The following TMC3 variants were observed in gnomAD, a reference collection of about 807,000 sequenced individuals.
TMC3 encodes the protein transmembrane channel like 3.
TMC3 carries 98 observed loss-of-function variants against 110.6 expected under a neutral mutation model. The observed-to-expected ratio is 0.89, with a 90% CI of 0.75 to 1.05. The LOEUF (loss-of-function observed/expected upper bound fraction) is 1.05. Among genes scored for constraint, TMC3 ranks in the 50% least tolerant of loss-of-function variants. The pLI is 0.00. For missense variants in TMC3, 1,319 were observed against 1,373.2 expected (o/e 0.96, Z 0.62); for synonymous variants, 489 against 513.1 (o/e 0.95, Z 0.63).
At position 81,339,428 on chromosome 15, in the gene TMC3, G is replaced by A. The variant is rs116898002; in HGVS notation, c.1921C>T (p.Arg641Ter). Reference sequence around the variant, plus strand: ...CCACAGTTTAGAGATGGCTTGTATCGGACAATAGCAAAAATGGTTGGCAGC... The same window carrying A: ...CCACAGTTTAGAGATGGCTTGTATCAGACAATAGCAAAAATGGTTGGCAGC... ...CMLPTIFAIV[R>*]YKPSLNCGPF... Residue 641 changes from arginine to a stop codon, truncating the protein, a stop_gained, in exon 17 of 22, where the codon CGA becomes TGA. Coordinates refer to ENST00000359440, the MANE Select transcript of TMC3 (RefSeq NM_001080532.3). LOFTEE classifies it high-confidence loss of function. 42 of 1,611,210 alleles carry A rather than the reference G, an allele frequency of 2.6e-5. No individual in the cohort carries two copies. The highest frequency in any genetic ancestry group is 8.4e-5 in the Admixed American group (5 of 59,692).
chr15:81,370,277 C>T (rs1251301881), intron 2 of TMC3, among the ~76,000 whole-genome samples: 5 of 152,214 alleles, frequency 3.3e-5, no homozygotes, highest in Non-Finnish European at 4.4e-5. Flanking sequence ...GTCAGGGTTC[C>T]GTGCTTTTTG....
rs569679389 is a variant in TMC3 at position 81,350,861 on chromosome 15, T to A, written c.1083+833A>T. ...TTGTTCATAACCGTTCACTTGGTGATTTTCTATTTATGGGAATATTCACAC... is the reference window on the plus strand; with the variant it reads ...TTGTTCATAACCGTTCACTTGGTGAATTTCTATTTATGGGAATATTCACAC... On this transcript the variant is annotated intron_variant, in intron 10 of 21. Coordinates refer to ENST00000359440, the MANE Select transcript of TMC3 (RefSeq NM_001080532.3). Among the ~76,000 whole-genome samples, 16 of 152,330 alleles carry A rather than the reference T, an allele frequency of 1.1e-4. No individual in the cohort carries two copies. The East Asian group carries it at 3.1e-3, about 29-fold the overall frequency.
rs546893002 is a variant in TMC3, at chr15:81,361,994, A to C, written c.394+226T>G. 256 of 402,916 alleles carry C rather than the reference A, an allele frequency of 6.4e-4. 1 individual carries two copies. Among genetic ancestry groups the C allele is most frequent in the African/African-American group, 4.8e-3 (238 of 49,274 alleles). 25.0% of individuals were successfully genotyped at this position (402,916 alleles called of 1,614,324 possible). A position where few individuals can be genotyped will look rare whatever the true frequency, so the allele number is the denominator to read the frequency against. The stretch of plus-strand genomic sequence containing the variant: ...AACTGGGAGAGAACAGCAGAGCCGC[A>C]GCGGAATGTGGAAAGGCCCACGTCC... On this transcript the variant is annotated intron_variant, in intron 4 of 21. Coordinates refer to ENST00000359440, the MANE Select transcript of TMC3 (RefSeq NM_001080532.3).
chr15:81,332,856 G>T lies in TMC3; in HGVS notation c.2866C>A (p.Arg956=), dbSNP rs369892976. ...EETPSRDWIK[R]SLPPRSLIDL... ...ATCAGGGAGCGTGGGGGAAGAGACC[G>T]TTTGATCCAATCTCTGCTTGGCGTC... Residue 956 remains arginine (R), a synonymous_variant, in exon 22 of 22, where the codon CGG becomes AGG. Transcript: ENST00000359440. 1 of 1,613,378 alleles carries T rather than the reference G, an allele frequency of 6.2e-7. No individual in the cohort carries two copies. Among genetic ancestry groups the T allele is most frequent in the Non-Finnish European group, 8.5e-7 (1 of 1,179,878 alleles).
chr15:81,350,616 C>T (rs2141707288), intron 10 of TMC3, among the ~76,000 whole-genome samples: 1 of 152,258 alleles, frequency 6.6e-6, no homozygotes, highest in African/African-American at 2.4e-5. Flanking sequence ...AGGGTGGGCT[C>T]AGATTTTGAT....
chr15:81,358,565 G>C, intron 5 of TMC3, 65 bp from the exon 6 acceptor site: 1 of 1,332,456 alleles, frequency 7.5e-7, no homozygotes, highest in Non-Finnish European at 1.0e-6. Context: ...GAAAATGAGA[G>C]GTTGATCTCC....
chr15:81,333,535 C>T (rs1384287898), intron 21 of TMC3, among the ~76,000 whole-genome samples: 1 of 152,216 alleles, frequency 6.6e-6, no homozygotes, highest in African/African-American at 2.4e-5. Context: ...TATTTCCTCA[C>T]AGAGCCCTCT....
intron 7 of TMC3, among the ~76,000 whole-genome samples, chr15:81,357,548 G>A (rs1002640707): frequency 5.9e-5 from 9 of 152,054 alleles, no homozygotes; most frequent in African/African-American, 2.2e-4. Context: ...GGGAAGGAAG[G>A]TGAGTTCCTA....
chr15:81,355,606 G>C, intron 9 of TMC3, 119 bp downstream of exon 9: 1 of 733,944 alleles, frequency 1.4e-6, no homozygotes, highest in Non-Finnish European at 2.4e-6. Flanking sequence ...TATGAGAAAG[G>C]AAGAAAGAAG....
chr15:81,365,651 A>G (rs1027727244), intron 3 of TMC3, among the ~76,000 whole-genome samples: 7 of 145,440 alleles, frequency 4.8e-5, no homozygotes, highest in African/African-American at 1.8e-4. Flanking sequence ...AGCGTGGGCC[A>G]CAGAGCAAGA....
intron 12 of TMC3, 78 bp from the exon 13 acceptor site, chr15:81,345,089 C>T (rs1433705083): frequency 6.6e-7 from 1 of 1,509,814 alleles, no homozygotes; most frequent in Non-Finnish European, 8.9e-7. Flanking sequence ...AAATGAGAAT[C>T]CATCATGGAC....
chr15:81,333,966 G>T (rs1365657779), intron 21 of TMC3, among the ~76,000 whole-genome samples: 1 of 151,706 alleles, frequency 6.6e-6, no homozygotes, highest in Admixed American at 6.6e-5. Flanking sequence ...CTCCAGCCTG[G>T]GTGACAAGAG....
chr15:81,363,417 G>T (rs1894235467), intron 3 of TMC3, among the ~76,000 whole-genome samples: 3 of 152,224 alleles, frequency 2.0e-5, no homozygotes. Flanking sequence ...GTTTGTGCTG[G>T]AAGCAAATGA....
At chr15:81,372,142 G>T (rs1288786721) in intron 2 of TMC3, among the ~76,000 whole-genome samples, 2 of 151,418 alleles carry the variant, frequency 1.3e-5, no homozygotes, top group Non-Finnish European at 1.5e-5. Flanking sequence ...TACCCAGAGG[G>T]TGGTAATATC....
intron 10 of TMC3, 143 bp downstream of exon 10, chr15:81,351,551 C>T: frequency 2.0e-6 from 2 of 1,017,400 alleles, no homozygotes; most frequent in Non-Finnish European, 1.4e-6. Flanking sequence ...GGGGTTTCAT[C>T]ATGTTGGCCA....
intron 11 of TMC3, 140 bp from the exon 12 acceptor site, chr15:81,346,583 T>C: frequency 1.3e-6 from 1 of 794,966 alleles, no homozygotes; most frequent in South Asian, 1.7e-5. Context: ...AGAATCACCT[T>C]GCGGGCATTT....
intron 11 of TMC3, among the ~76,000 whole-genome samples, chr15:81,348,031 C>T (rs111830843): frequency 3.9e-5 from 6 of 152,324 alleles, no homozygotes; most frequent in African/African-American, 1.2e-4. Flanking sequence ...CAAACCAAAC[C>T]GTACCCTTGC....
At chr15:81,335,724 A>G (rs1456349576) in intron 20 of TMC3, 1 of 152,296 alleles carries the variant, frequency 6.6e-6, no homozygotes, top group Non-Finnish European at 1.5e-5. Context: ...AGGCTGTGCC[A>G]TGTTAATGGT....
chr15:81,344,980 C>T lies in TMC3; in HGVS notation c.1304G>A (p.Trp435Ter). The T allele has an allele frequency of 1.3e-6, 2 of 1,594,578 alleles. No individual in the cohort carries two copies. The highest frequency in any genetic ancestry group is 1.3e-5 in the African/African-American group (1 of 74,630). ...EMATKNNTSH[W>*]IDSTTFFATR... ...TGCAAAGAAGGTGGTGGAATCTATCCAATGACTTGTGTTATTTTTGGTAGC... is the reference window on the plus strand; with the variant it reads ...TGCAAAGAAGGTGGTGGAATCTATCTAATGACTTGTGTTATTTTTGGTAGC... The change falls in exon 13 of 22, where the codon TGG becomes TAG. Residue 435 changes from tryptophan to a stop codon, truncating the protein, a stop_gained. Coordinates refer to ENST00000359440, the MANE Select transcript of TMC3 (RefSeq NM_001080532.3). LOFTEE classifies it high-confidence loss of function.
Sources: gnomAD v4.1 joint callset for allele counts (sites outside exome capture counted in the v4.1 genomes callset) on GRCh38, gnomAD v4.1.1 for gene constraint, MANE v1.5 for transcripts, NCBI Gene and HGNC (gene_info 2026-07-23, HGNC 2026-07-21) for gene names.